The following ATP11C variants were observed in gnomAD, a reference collection of about 807,000 sequenced individuals.
ATP11C encodes phospholipid-transporting ATPase IG.
A neutral mutation model predicts 97.4 loss-of-function variants in ATP11C; 36 were observed. The observed-to-expected ratio is 0.37, with a 90% CI of 0.28 to 0.49. The LOEUF (loss-of-function observed/expected upper bound fraction) is 0.49. Among genes scored for constraint, ATP11C ranks in the 20% least tolerant of loss-of-function variants. The probability of loss-of-function intolerance (pLI) is 0.98; values close to 1 mark genes in which losing one functional copy is unlikely to be tolerated. For missense variants in ATP11C, 730 were observed against 824.6 expected (o/e 0.89, Z 1.40); for synonymous variants, 275 against 290.9 (o/e 0.95, Z 0.56).
At chrX:139,787,842 G>A (rs758476893) in intron 14 of ATP11C, among the ~76,000 whole-genome samples, 2 of 111,924 alleles carry the variant, frequency 1.8e-5, no homozygotes, top group African/African-American at 6.5e-5. Flanking sequence ...CTGGACTTTC[G>A]GTTCTCAAAT....
chrX:139,786,270 TA>T (rs2082571014), intron 15 of ATP11C, among the ~76,000 whole-genome samples: 1 of 111,904 alleles, frequency 8.9e-6, no homozygotes, highest in Non-Finnish European at 1.9e-5. Context: ...TAGTATTTTT[TA>T]AAAAAAGTAT....
At chrX:139,781,196 A>G (rs1238911040) in intron 18 of ATP11C, among the ~76,000 whole-genome samples, 1 of 112,279 alleles carries the variant, frequency 8.9e-6, no homozygotes, top group Non-Finnish European at 1.9e-5. Context: ...TGGCCACAGA[A>G]TAACAATGAA....
chrX:139,930,419 AG>A (rs1193208978), intron 1 of ATP11C, among the ~76,000 whole-genome samples: 1 of 111,053 alleles, frequency 9.0e-6, no homozygotes, highest in Admixed American at 9.6e-5. Flanking sequence ...ATTATGATTC[AG>A]AGCCCAGTTG....
intron 20 of ATP11C, among the ~76,000 whole-genome samples, chrX:139,765,377 T>C (rs977977481): frequency 6.2e-5 from 7 of 112,018 alleles, no homozygotes; most frequent in Admixed American, 3.8e-4. Flanking sequence ...AGTTAGGTCA[T>C]GAGTACAAGA....
intron 29 of ATP11C, among the ~76,000 whole-genome samples, chrX:139,731,109 G>C (rs1437463682): frequency 9.0e-6 from 1 of 111,403 alleles, no homozygotes; most frequent in Non-Finnish European, 1.9e-5. Flanking sequence ...CTGGTTCATT[G>C]ATATATATTT....
intron 5 of ATP11C, among the ~76,000 whole-genome samples, chrX:139,808,638 T>C (rs1382454939): frequency 1.8e-5 from 2 of 111,596 alleles, no homozygotes; most frequent in Non-Finnish European, 3.8e-5. Flanking sequence ...ATTTTCGTAA[T>C]TGAAGGTGAG....
intron 1 of ATP11C, among the ~76,000 whole-genome samples, chrX:139,852,539 G>GCAGAC (rs2084014423): frequency 1.1e-5 from 1 of 92,596 alleles, no homozygotes; most frequent in Non-Finnish European, 2.1e-5. Context: ...GACTCTGTGC[G>GCAGAC]CAGACCAAGG....
chrX:139,787,820 T>C (rs57466285), intron 14 of ATP11C, among the ~76,000 whole-genome samples: 5,634 of 111,941 alleles, frequency 0.05, 241 homozygotes, highest in East Asian at 0.29. Flanking sequence ...ATCTTGAACC[T>C]CATGGGTAAA....
chrX:139,744,584 A>G (rs778062410), intron 25 of ATP11C, among the ~76,000 whole-genome samples: 4 of 112,210 alleles, frequency 3.6e-5, no homozygotes, highest in South Asian at 3.7e-4. Flanking sequence ...TGTCTGCCAA[A>G]TAAAACTAAC....
chrX:139,813,722 C>T (rs1335801648), intron 5 of ATP11C, among the ~76,000 whole-genome samples: 1 of 111,334 alleles, frequency 9.0e-6, no homozygotes, highest in Non-Finnish European at 1.9e-5. Context: ...ACTATAGAGA[C>T]AGCAGAAAGA....
chrX:139,915,207 G>T (rs1245128780), intron 1 of ATP11C, among the ~76,000 whole-genome samples: 2 of 111,325 alleles, frequency 1.8e-5, no homozygotes, highest in Non-Finnish European at 3.8e-5. Flanking sequence ...GTGCAATAAG[G>T]ACTTAAATGA....
intron 1 of ATP11C, among the ~76,000 whole-genome samples, chrX:139,878,432 AAT>A (rs960378862): frequency 8.9e-6 from 1 of 112,397 alleles, no homozygotes; most frequent in Admixed American, 9.5e-5. Context: ...AAATAAAATT[AAT>A]ATGTTTTTAA....
intron 5 of ATP11C, among the ~76,000 whole-genome samples, chrX:139,806,394 A>G (rs1005505049): frequency 3.8e-4 from 42 of 111,951 alleles, no homozygotes; most frequent in African/African-American, 1.3e-3. Flanking sequence ...TAATCTAAAA[A>G]CAAATACGTA....
chrX:139,788,406 TGAAC>T (rs2082621471), intron 13 of ATP11C, 63 bp from the exon 14 acceptor site: 9 of 987,017 alleles, frequency 9.1e-6, no homozygotes, highest in Non-Finnish European at 1.3e-5. Context: ...AACTAGGCAG[TGAAC>T]GGAGAAAATA....
intron 1 of ATP11C, among the ~76,000 whole-genome samples, chrX:139,837,643 T>C (rs1341904621): frequency 8.9e-6 from 1 of 112,176 alleles, no homozygotes; most frequent in Non-Finnish European, 1.9e-5. Context: ...GGAAGAAAAA[T>C]GGCAGAACCC....
chrX:139,774,019 G>A (rs1187111836), intron 19 of ATP11C, among the ~76,000 whole-genome samples: 1 of 112,341 alleles, frequency 8.9e-6, no homozygotes, highest in African/African-American at 3.2e-5. Context: ...CACATCCAGT[G>A]GCATTTCAAA....
In ATP11C at chrX:139,797,276, G is replaced by A; in HGVS notation, c.908C>T (p.Ala303Val). ...ATACTTTAGAGTAGTGCATACTGCA[G>A]CTTTGGTCAGTAAGATAAATAAATA... ...IVYLFILLTK[A>V]AVCTTLKYVW... The change falls in exon 11 of 30, where the codon GCT (alanine) becomes GTT (valine). Residue 303 changes from alanine (A) to valine (V), a missense_variant. By Grantham distance (64) the Ala-to-Val change is moderately conservative. Coordinates refer to ENST00000682941, the MANE Select transcript of ATP11C (RefSeq NM_001353812.2). 1 of 1,181,904 alleles carries A rather than the reference G, an allele frequency of 8.5e-7. No homozygotes were observed.
intron 11 of ATP11C, 75 bp from the exon 12 acceptor site, chrX:139,796,545 A>G (rs2082800986): frequency 3.1e-5 from 21 of 683,682 alleles, no homozygotes; most frequent in Non-Finnish European, 4.4e-5. Context: ...AGGAAGAATT[A>G]ATTTCATCTT....
intron 5 of ATP11C, among the ~76,000 whole-genome samples, chrX:139,810,585 C>T (rs1190478330): frequency 8.9e-6 from 1 of 112,245 alleles, no homozygotes; most frequent in Admixed American, 9.4e-5. Flanking sequence ...AAAATGTAAA[C>T]ATAATATATC....
Sources: gnomAD v4.1 joint callset for allele counts (sites outside exome capture counted in the v4.1 genomes callset) on GRCh38, gnomAD v4.1.1 for gene constraint, MANE v1.5 for transcripts, NCBI Gene and HGNC (gene_info 2026-07-23, HGNC 2026-07-21) for gene names.